Variants in SLC5A4 observed in about 807,000 individuals in gnomAD.
The protein encoded by SLC5A4 is solute carrier family 5 member 4, also known as probable glucose sensor protein SLC5A4.
Under a neutral mutation model 70.3 loss-of-function variants are expected in SLC5A4, and 55 were observed. The ratio of observed to expected loss-of-function variants is 0.78; its 90% CI spans 0.63 to 0.98. The LOEUF (loss-of-function observed/expected upper bound fraction) is 0.98. SLC5A4 is among the 50% of genes least tolerant of loss of function. The pLI, the probability that SLC5A4 is intolerant of heterozygous loss-of-function variation, is 0.00. For synonymous variants in SLC5A4, 268 were observed against 305.7 expected (o/e 0.88, Z 1.29); for missense variants, 735 against 839.2 (o/e 0.88, Z 1.53).
the SLC5A4 span, among the ~76,000 whole-genome samples, chr22:32,294,804 TCCCTCCC>T: frequency 1.0e-5 from 1 of 99,178 alleles, no homozygotes; most frequent in Non-Finnish European, 2.1e-5. Context: ...CCTGATGCTA[TCCCTCCC>T]CCCTCCCCCA....
the SLC5A4 span, among the ~76,000 whole-genome samples, chr22:32,293,090 T>G: frequency 0.026 from 3,939 of 152,250 alleles, 151 homozygotes; most frequent in African/African-American, 0.089. Context: ...ATACACCAGT[T>G]TTTCTGTTTA....
chr22:32,235,396 T>C (rs142134956), intron 7 of SLC5A4, among the ~76,000 whole-genome samples: 3 of 152,180 alleles, frequency 2.0e-5, no homozygotes, highest in African/African-American at 7.2e-5. Flanking sequence ...AGGCTGACAC[T>C]GATGTCTCAC....
chr22:32,224,157 T>C (rs1170800185), intron 13 of SLC5A4, 110 bp downstream of exon 13: 1 of 764,746 alleles, frequency 1.3e-6, no homozygotes, highest in Admixed American at 2.2e-5. Flanking sequence ...CCTGACCTCG[T>C]GATCCGCCCG....
At chr22:32,270,531 T>C in the SLC5A4 span, 3 of 716,840 alleles carry the variant, frequency 4.2e-6, no homozygotes, top group Admixed American at 5.8e-5. Context: ...GATTCCTGAT[T>C]CTGAGCCAGG....
chr22:32,353,875 C>T, the SLC5A4 span, among the ~76,000 whole-genome samples: 9 of 151,922 alleles, frequency 5.9e-5, no homozygotes, highest in Admixed American at 1.3e-4. Flanking sequence ...GCACCCAAAC[C>T]GCCCCCCAAC....
the SLC5A4 span, chr22:32,271,207 C>T: frequency 8.3e-3 from 6,410 of 770,298 alleles, 322 homozygotes; most frequent in African/African-American, 0.098. Context: ...CCCCGACTGG[C>T]GGCTGGTGTT....
intron 9 of SLC5A4, 150 bp downstream of exon 9, chr22:32,232,749 C>CT (rs551152217): frequency 1.4e-3 from 1,301 of 904,892 alleles, no homozygotes; most frequent in Non-Finnish European, 2.0e-3. Flanking sequence ...ATTTTCCTGC[C>CT]TTTGACCACT....
chr22:32,337,018 A>C, the SLC5A4 span, among the ~76,000 whole-genome samples: 1 of 152,228 alleles, frequency 6.6e-6, no homozygotes, highest in Admixed American at 6.5e-5. Flanking sequence ...GAAGCTTTGC[A>C]AAGAGGATGC....
In SLC5A4 at chr22:32,225,816, C is replaced by A. The variant is rs774649973; in HGVS notation, c.1288G>T (p.Val430Phe). ...KELLIAGRIF[V>F]LLLTVVSIVW... ...ATGCTCACAACAGTTAATAGAAGAA[C>A]AAATATCCTGAGAAGAAAACAACAT... The change falls in exon 12 of 15, where the codon GTT (valine) becomes TTT (phenylalanine). Residue 430 changes from valine to phenylalanine, a missense_variant. Coordinates refer to ENST00000266086, the MANE Select transcript of SLC5A4 (RefSeq NM_014227.3). 1 of 1,596,832 alleles carries A rather than the reference C, an allele frequency of 6.3e-7. No individual in the cohort carries two copies. Among genetic ancestry groups the A allele is most frequent in the Non-Finnish European group, 8.5e-7 (1 of 1,172,254 alleles).
At chr22:32,335,706 C>T in the SLC5A4 span, among the ~76,000 whole-genome samples, 1 of 152,200 alleles carries the variant, frequency 6.6e-6, no homozygotes, top group East Asian at 1.9e-4. Flanking sequence ...CCCCCAGCTG[C>T]AGCACCCAGC....
the SLC5A4 span, among the ~76,000 whole-genome samples, chr22:32,262,645 TC>T: frequency 6.6e-6 from 1 of 152,210 alleles, no homozygotes; most frequent in Non-Finnish European, 1.5e-5. Context: ...ACTGCATGTT[TC>T]TTTTTTTTGT....
the SLC5A4 span, among the ~76,000 whole-genome samples, chr22:32,282,486 A>G: frequency 0.35 from 52,661 of 151,754 alleles, 9,286 homozygotes; most frequent in East Asian, 0.42. Context: ...GACCTTGAAC[A>G]TGTTGGCACA....
At chr22:32,250,626 A>T (rs1304571129) in intron 3 of SLC5A4, among the ~76,000 whole-genome samples, 1 of 152,208 alleles carries the variant, frequency 6.6e-6, no homozygotes. Flanking sequence ...AAGGATTATA[A>T]ATCATTCTAC....
chr22:32,257,659 C>CTTTTCTTTT (rs1555993372), upstream of SLC5A4, among the ~76,000 whole-genome samples: 2 of 141,932 alleles, frequency 1.4e-5, no homozygotes, highest in Admixed American at 7.0e-5. Context: ...GCAAGGTTTT[C>CTTTTCTTTT]TTTTTTTTTT....
chr22:32,305,750 G>A, the SLC5A4 span, among the ~76,000 whole-genome samples: 2 of 151,208 alleles, frequency 1.3e-5, no homozygotes, highest in Admixed American at 6.6e-5. Context: ...CTGTCCCCTT[G>A]CCTACGAGAT....
the SLC5A4 span, among the ~76,000 whole-genome samples, chr22:32,303,410 C>T: frequency 3.4e-4 from 51 of 152,230 alleles, no homozygotes; most frequent in South Asian, 1.7e-3. Context: ...TGTGGGGTGG[C>T]GTAGAGTAGC....
At chr22:32,292,232 TTATA>T in the SLC5A4 span, among the ~76,000 whole-genome samples, 7,708 of 76,812 alleles carry the variant, frequency 0.1, 1,270 homozygotes, top group African/African-American at 0.24. Context: ...ATTCTATATA[TTATA>T]TATATAATAT....
At chr22:32,339,768 T>G in the SLC5A4 span, among the ~76,000 whole-genome samples, 1 of 152,150 alleles carries the variant, frequency 6.6e-6, no homozygotes, top group African/African-American at 2.4e-5. Flanking sequence ...TCACCTCGTT[T>G]AAACCCCTGC....
chr22:32,246,210 C>T (rs1926819565), intron 5 of SLC5A4, among the ~76,000 whole-genome samples: 1 of 152,210 alleles, frequency 6.6e-6, no homozygotes, highest in Non-Finnish European at 1.5e-5. Context: ...CTTTGCTACG[C>T]TCACACAAAG....
Sources: gnomAD v4.1 joint callset for allele counts (sites outside exome capture counted in the v4.1 genomes callset) on GRCh38, gnomAD v4.1.1 for gene constraint, MANE v1.5 for transcripts, NCBI Gene and HGNC (gene_info 2026-07-23, HGNC 2026-07-21) for gene names.